TENM3: variants seen among roughly 807,000 people sequenced by gnomAD.
TENM3 encodes teneurin transmembrane protein 3, also known as teneurin-3.
TENM3 carries 63 observed loss-of-function variants against 255.1 expected under a neutral mutation model. That is an observed-to-expected ratio of 0.25 (90% confidence interval 0.20 to 0.30). The LOEUF (loss-of-function observed/expected upper bound fraction) is 0.30, where lower values mean the gene tolerates loss of function less well. Ranked by LOEUF, TENM3 falls within the 10% of genes least tolerant of loss-of-function variation. The pLI is 1.00. For synonymous variants in TENM3, 1,306 were observed against 1,322.3 expected, an observed-to-expected ratio of 0.99 and a Z score of 0.27; for missense variants, 2,929 against 3,461.1, an observed-to-expected ratio of 0.85 and a Z score of 3.86.
At chr4:182,456,000 C>G (rs1280400489) in intron 3 of TENM3, among the ~76,000 whole-genome samples, 1 of 152,212 alleles carries the variant, frequency 6.6e-6, no homozygotes, top group Non-Finnish European at 1.5e-5. Flanking sequence ...CAGGTTCTTT[C>G]AGAAAACCAC....
At chr4:182,290,029 C>G (rs967593984) in intron 1 of TENM3, among the ~76,000 whole-genome samples, 1 of 152,160 alleles carries the variant, frequency 6.6e-6, no homozygotes, top group Non-Finnish European at 1.5e-5. Context: ...TCCAAGGTTC[C>G]TCTCCTCCAA....
At chr4:181,908,462 T>C in the TENM3 span, among the ~76,000 whole-genome samples, 1 of 152,156 alleles carries the variant, frequency 6.6e-6, no homozygotes, top group Admixed American at 6.5e-5. Context: ...TTTTAAAATA[T>C]TTAAAGATAA....
chr4:182,520,226 G>C (rs567527992), intron 3 of TENM3, among the ~76,000 whole-genome samples: 4 of 152,200 alleles, frequency 2.6e-5, no homozygotes, highest in Non-Finnish European at 5.9e-5. Flanking sequence ...AAAAATTTCT[G>C]GTTGAGCAAG....
chr4:182,260,155 C>G (rs936662860), intron 1 of TENM3, among the ~76,000 whole-genome samples: 1 of 152,080 alleles, frequency 6.6e-6, no homozygotes, highest in South Asian at 2.1e-4. Context: ...ACACTTAGGG[C>G]GATTTCATAT....
chr4:182,781,483 A>G (rs1765162398), intron 24 of TENM3, among the ~76,000 whole-genome samples: 2 of 152,012 alleles, frequency 1.3e-5, no homozygotes, highest in African/African-American at 4.8e-5. Flanking sequence ...GGATTTTTGC[A>G]TCAATGTTCA....
At chr4:182,668,564 A>G (rs1347180585) in intron 6 of TENM3, among the ~76,000 whole-genome samples, 1 of 152,136 alleles carries the variant, frequency 6.6e-6, no homozygotes, top group African/African-American at 2.4e-5. Flanking sequence ...CACTCCACCA[A>G]TCTTGGATCT....
the TENM3 span, among the ~76,000 whole-genome samples, chr4:181,541,256 A>G: frequency 6.6e-6 from 1 of 151,986 alleles, no homozygotes; most frequent in Non-Finnish European, 1.5e-5. Context: ...GGTGGCATGC[A>G]CTTGTATTCC....
At chr4:182,288,085 G>GC (rs1760861805) in intron 1 of TENM3, among the ~76,000 whole-genome samples, 1 of 151,920 alleles carries the variant, frequency 6.6e-6, no homozygotes, top group Non-Finnish European at 1.5e-5. Context: ...TTACAGGCGT[G>GC]CACCACCACA....
chr4:182,326,125 G>T (rs1763388697), intron 2 of TENM3, among the ~76,000 whole-genome samples: 1 of 152,242 alleles, frequency 6.6e-6, no homozygotes, highest in Non-Finnish European at 1.5e-5. Flanking sequence ...AGGCCTTGTT[G>T]GAGAGCAGAA....
At chr4:181,954,659 T>A in the TENM3 span, among the ~76,000 whole-genome samples, 1 of 152,198 alleles carries the variant, frequency 6.6e-6, no homozygotes. Flanking sequence ...TGATTCTAGA[T>A]CTTGGTCAGT....
intron 1 of TENM3, among the ~76,000 whole-genome samples, chr4:182,200,438 T>C (rs943622610): frequency 6.6e-6 from 1 of 152,228 alleles, no homozygotes; most frequent in Non-Finnish European, 1.5e-5. Context: ...TTGAGCTTTT[T>C]TTCAGTGCTC....
intron 5 of TENM3, among the ~76,000 whole-genome samples, chr4:182,636,136 G>A (rs988443262): frequency 3.2e-4 from 48 of 152,080 alleles, no homozygotes; most frequent in African/African-American, 9.7e-4. Context: ...CAGAAAATGC[G>A]TTTTTGTCTG....
At chr4:182,291,096 C>T (rs1375210232) in intron 1 of TENM3, among the ~76,000 whole-genome samples, 1 of 152,190 alleles carries the variant, frequency 6.6e-6, no homozygotes, top group African/African-American at 2.4e-5. Flanking sequence ...GCTGGGATTA[C>T]GAGTGTGAGC....
the TENM3 span, among the ~76,000 whole-genome samples, chr4:181,636,026 AAGAG>A: frequency 3.3e-5 from 5 of 152,258 alleles, no homozygotes; most frequent in South Asian, 8.3e-4. Context: ...TGTGGAAGGA[AAGAG>A]AGAGAAACTT....
At chr4:181,503,020 T>G in the TENM3 span, among the ~76,000 whole-genome samples, 1 of 152,186 alleles carries the variant, frequency 6.6e-6, no homozygotes, top group Non-Finnish European at 1.5e-5. Context: ...CCTTTGTTTC[T>G]TCTTAAAAAT....
chr4:182,734,675 A>G (rs1761032491), intron 16 of TENM3, among the ~76,000 whole-genome samples: 1 of 152,164 alleles, frequency 6.6e-6, no homozygotes, highest in Admixed American at 6.5e-5. Flanking sequence ...TTTAAAGCTC[A>G]CGCAGCTGGC....
chr4:182,752,435 T>G (rs929671454), intron 20 of TENM3, among the ~76,000 whole-genome samples: 1 of 152,138 alleles, frequency 6.6e-6, no homozygotes, highest in African/African-American at 2.4e-5. Context: ...TAAGCAACCC[T>G]GTGAGCCCTC....
intron 6 of TENM3, among the ~76,000 whole-genome samples, 186 bp downstream of exon 6, chr4:182,654,079 A>G (rs1406867237): frequency 6.6e-6 from 1 of 152,160 alleles, no homozygotes; most frequent in Non-Finnish European, 1.5e-5. Context: ...CATTTTTATT[A>G]CAGGAATAAT....
At chr4:182,711,311 G>T (rs1758733459) in intron 12 of TENM3, among the ~76,000 whole-genome samples, 1 of 152,154 alleles carries the variant, frequency 6.6e-6, no homozygotes. Context: ...TGACGAGAGT[G>T]GAGTGCATTC....
Sources: allele counts gnomAD v4.1 joint callset (sites outside exome capture counted in the v4.1 genomes callset), GRCh38; gene constraint gnomAD v4.1.1; transcripts MANE v1.5; gene names NCBI Gene and HGNC (gene_info 2026-07-23, HGNC 2026-07-21).